USP53: variants seen among roughly 807,000 people sequenced by gnomAD.
USP53 encodes the protein ubiquitin carboxyl-terminal hydrolase 53.
A neutral mutation model predicts 94.9 loss-of-function variants in USP53; 71 were observed. That is an observed-to-expected ratio of 0.75 (90% CI 0.62 to 0.91). USP53 has a LOEUF of 0.91. Ranked by LOEUF, USP53 falls within the 40% of genes least tolerant of loss-of-function variation. The pLI, the probability that USP53 is intolerant of heterozygous loss-of-function variation, is 0.00. For synonymous variants in USP53, 375 were observed against 422.7 expected (o/e 0.89, Z 1.39); for missense variants, 1,173 against 1,281.0 (o/e 0.92, Z 1.29).
intron 17 of USP53, among the ~76,000 whole-genome samples, chr4:119,282,058 A>C (rs1753569024): frequency 6.6e-6 from 1 of 152,078 alleles, no homozygotes; most frequent in South Asian, 2.1e-4. Context: ...ATATAGGTGG[A>C]ACCATATGAT....
chr4:119,269,089 AC>A (rs1483600907), intron 14 of USP53, among the ~76,000 whole-genome samples: 1 of 152,206 alleles, frequency 6.6e-6, no homozygotes, highest in East Asian at 1.9e-4. Context: ...TCCACAAAAA[AC>A]TAAAATAAAG....
chr4:119,223,567 G>A (rs1285859182), intron 3 of USP53, among the ~76,000 whole-genome samples: 1 of 152,126 alleles, frequency 6.6e-6, no homozygotes, highest in African/African-American at 2.4e-5. Context: ...ACTTGATAGA[G>A]GACAAGTTAG....
At chr4:119,244,348 T>C (rs1283977760) in intron 5 of USP53, among the ~76,000 whole-genome samples, 3 of 152,214 alleles carry the variant, frequency 2.0e-5, no homozygotes, top group Non-Finnish European at 2.9e-5. Context: ...GTTGAAAATA[T>C]AGGAAATATT....
intron 6 of USP53, among the ~76,000 whole-genome samples, chr4:119,247,274 T>G (rs1202787267): frequency 6.6e-6 from 1 of 152,156 alleles, no homozygotes; most frequent in Non-Finnish European, 1.5e-5. Context: ...CATAAACACA[T>G]TGCATTTTAG....
chr4:119,291,067 T>C (rs1258903616), intron 17 of USP53, 98 bp from the exon 18 acceptor site: 4 of 582,696 alleles, frequency 6.9e-6, no homozygotes, highest in Non-Finnish European at 1.1e-5. Flanking sequence ...TAGAAAGCTT[T>C]ATGTAAATAT....
chr4:119,223,311 G>A (rs34624042), intron 3 of USP53, among the ~76,000 whole-genome samples: 14,841 of 152,206 alleles, frequency 0.098, 872 homozygotes, highest in Non-Finnish European at 0.13. Context: ...TAGGAGGAAA[G>A]CAATTGTGAA....
At chr4:119,281,573 G>A (rs1025354027) in intron 17 of USP53, among the ~76,000 whole-genome samples, 1 of 152,144 alleles carries the variant, frequency 6.6e-6, no homozygotes, top group Non-Finnish European at 1.5e-5. Context: ...TGGTAACCAA[G>A]TATTACAGGA....
At chr4:119,275,645 G>A (rs1237064783) in intron 17 of USP53, among the ~76,000 whole-genome samples, 1 of 151,936 alleles carries the variant, frequency 6.6e-6, no homozygotes, top group East Asian at 1.9e-4. Flanking sequence ...AAAGTCATTG[G>A]TAGCTTGATG....
intron 9 of USP53, among the ~76,000 whole-genome samples, chr4:119,258,560 A>G (rs1283614399): frequency 6.6e-6 from 1 of 152,240 alleles, no homozygotes; most frequent in Non-Finnish European, 1.5e-5. Context: ...TGGGTAATTT[A>G]TAAAACAGAG....
chr4:119,224,608 C>G (rs930627877), intron 3 of USP53, among the ~76,000 whole-genome samples: 12 of 152,110 alleles, frequency 7.9e-5, no homozygotes, highest in African/African-American at 2.9e-4. Flanking sequence ...ATTTGTGGAG[C>G]AGAATGCTAG....
At chr4:119,249,258 C>A (rs1179021745) in intron 7 of USP53, among the ~76,000 whole-genome samples, 2 of 152,090 alleles carry the variant, frequency 1.3e-5, no homozygotes, top group African/African-American at 4.8e-5. Context: ...ATGATTCTCA[C>A]TGGGAGAGAA....
At chr4:119,240,103 C>T (rs536197076) in intron 5 of USP53, among the ~76,000 whole-genome samples, 200 bp downstream of exon 5, 6 of 151,946 alleles carry the variant, frequency 3.9e-5, no homozygotes, top group African/African-American at 1.2e-4. Flanking sequence ...TTTCAACAGA[C>T]TGATGTATCA....
intron 13 of USP53, 32 bp downstream of exon 13, chr4:119,267,514 T>C (rs1454746389): frequency 6.3e-7 from 1 of 1,592,604 alleles, no homozygotes; most frequent in Admixed American, 1.8e-5. Flanking sequence ...TCTCAATGTT[T>C]TTCTATTATC....
chr4:119,228,568 G>A (rs1351109675), intron 3 of USP53, among the ~76,000 whole-genome samples: 1 of 152,164 alleles, frequency 6.6e-6, no homozygotes, highest in Non-Finnish European at 1.5e-5. Flanking sequence ...GGGTGTGGGT[G>A]CACTGTGGTA....
At chr4:119,249,344 G>A (rs1286125938) in intron 7 of USP53, among the ~76,000 whole-genome samples, 2 of 152,092 alleles carry the variant, frequency 1.3e-5, no homozygotes, top group African/African-American at 4.8e-5. Context: ...AAATCACTGA[G>A]GTTGATGTTC....
Position 119,239,481 on chromosome 4 carries a change from G to A in USP53, c.-279G>A. ...ATCGTTTTCATATTAACCTTATACA[G>A]CTCCCATAAAATTTAACACATATAA... is the stretch of plus-strand genomic sequence containing the variant. On this transcript the variant is annotated 5_prime_UTR_variant, in exon 5 of 19. Transcript: ENST00000692078. 1 of 403,732 alleles carries A rather than the reference G, an allele frequency of 2.5e-6. No individual in the cohort carries two copies. The highest frequency in any genetic ancestry group is 4.4e-6 in the Non-Finnish European group (1 of 229,114). 25.0% of individuals were successfully genotyped at this position (403,732 alleles called of 1,614,324 possible).
chr4:119,231,090 A>G (rs566528483), intron 3 of USP53, among the ~76,000 whole-genome samples: 1 of 152,302 alleles, frequency 6.6e-6, no homozygotes, highest in East Asian at 1.9e-4. Flanking sequence ...AGATATCTGG[A>G]TTGACCATAT....
At position 119,245,403 on chromosome 4, in the gene USP53, G is replaced by A; in HGVS notation, c.211G>A (p.Asp71Asn). Residue 71 changes from aspartate (D) to asparagine (N), a missense_variant, in exon 6 of 19, where the codon GAT (aspartate) becomes AAT (asparagine). Transcript: ENST00000692078. ...RVLTGHVCQG[D>N]ACIFCALKTI... The stretch of plus-strand genomic sequence containing the variant: ...TTTGACTGGACATGTTTGTCAGGGA[G>A]ATGCCTGTATATTTTGTGCATTGAA... The A allele has an allele frequency of 6.2e-7, 1 of 1,613,878 alleles. No homozygotes were observed. Among genetic ancestry groups the A allele is most frequent in the Non-Finnish European group, 8.5e-7 (1 of 1,179,878 alleles).
chr4:119,259,790 C>G (rs1227026721), intron 9 of USP53, 30 bp from the exon 10 acceptor site: 2 of 1,565,880 alleles, frequency 1.3e-6, no homozygotes, highest in East Asian at 2.3e-5. Flanking sequence ...AGTTCATAGG[C>G]CAGATTTGGG....
Sources: allele counts gnomAD v4.1 joint callset (sites outside exome capture counted in the v4.1 genomes callset), GRCh38; gene constraint gnomAD v4.1.1; transcripts MANE v1.5; gene names NCBI Gene and HGNC (gene_info 2026-07-23, HGNC 2026-07-21).